The following PEBP4 variants were observed in gnomAD, a reference collection of about 807,000 sequenced individuals.
PEBP4 encodes the protein phosphatidylethanolamine binding protein 4, also known as phosphatidylethanolamine-binding protein 4.
In PEBP4, 22 loss-of-function variants were observed where a neutral mutation model predicts 23.9. The observed-to-expected ratio is 0.92, with a 90% CI of 0.66 to 1.31. PEBP4 has a LOEUF of 1.31. Ranked by LOEUF, PEBP4 falls within the 40% of genes most tolerant of loss-of-function variation. The pLI is 0.00. For missense variants in PEBP4, 324 were observed against 281.7 expected (o/e 1.15, Z -1.07); for synonymous variants, 112 against 99.3 (o/e 1.13, Z -0.76).
intron 3 of PEBP4, among the ~76,000 whole-genome samples, chr8:22,900,256 G>A (rs1275272158): frequency 2.0e-5 from 3 of 152,306 alleles, no homozygotes; most frequent in South Asian, 2.1e-4. Context: ...GGTGTGAGAC[G>A]ACTTTAGTGA....
At chr8:22,798,014 G>GT (rs1212507060) in intron 4 of PEBP4, among the ~76,000 whole-genome samples, 1 of 152,260 alleles carries the variant, frequency 6.6e-6, no homozygotes, top group East Asian at 1.9e-4. Flanking sequence ...ACAAGGCAGC[G>GT]TGGAATCAGG....
intron 3 of PEBP4, among the ~76,000 whole-genome samples, chr8:22,889,835 A>C (rs1808456987): frequency 6.6e-6 from 1 of 152,240 alleles, no homozygotes; most frequent in South Asian, 2.1e-4. Context: ...TAATGTGACT[A>C]TACATCACTG....
chr8:22,734,269 G>C (rs1804804809), intron 4 of PEBP4, among the ~76,000 whole-genome samples: 1 of 152,236 alleles, frequency 6.6e-6, no homozygotes, highest in Admixed American at 6.5e-5. Flanking sequence ...TGCTGCCAGG[G>C]AGAGGCTTCC....
At chr8:22,909,545 A>G (rs1005097448) in intron 3 of PEBP4, among the ~76,000 whole-genome samples, 1 of 152,070 alleles carries the variant, frequency 6.6e-6, no homozygotes, top group African/African-American at 2.4e-5. Context: ...GAGTCTCACA[A>G]CCCACTCCTT....
At chr8:22,871,963 A>G (rs1388621014) in intron 3 of PEBP4, among the ~76,000 whole-genome samples, 3 of 152,116 alleles carry the variant, frequency 2.0e-5, no homozygotes, top group East Asian at 3.8e-4. Context: ...AAAATCCATT[A>G]TATCACTGTT....
intron 4 of PEBP4, among the ~76,000 whole-genome samples, chr8:22,795,603 A>G (rs761973604): frequency 5.3e-5 from 8 of 152,188 alleles, no homozygotes; most frequent in Non-Finnish European, 1.0e-4. Flanking sequence ...CTTTAGAATC[A>G]CCTTAAGGTC....
At chr8:22,899,389 G>T (rs1400362562) in intron 3 of PEBP4, among the ~76,000 whole-genome samples, 1 of 152,212 alleles carries the variant, frequency 6.6e-6, no homozygotes, top group African/African-American at 2.4e-5. Flanking sequence ...CCTATCTGAG[G>T]GTCCCAAAGG....
intron 4 of PEBP4, among the ~76,000 whole-genome samples, chr8:22,789,862 A>T (rs1341381768): frequency 6.6e-6 from 1 of 152,256 alleles, no homozygotes; most frequent in East Asian, 1.9e-4. Flanking sequence ...ACCGAGTTCA[A>T]CATCTTCGGG....
chr8:22,909,102 T>G (rs1451466622), intron 3 of PEBP4, among the ~76,000 whole-genome samples: 3 of 152,184 alleles, frequency 2.0e-5, no homozygotes, highest in Non-Finnish European at 4.4e-5. Context: ...CTTCCTGCAT[T>G]GGTGGCCCCA....
At chr8:22,915,369 T>C (rs1809050404) in intron 3 of PEBP4, among the ~76,000 whole-genome samples, 1 of 152,024 alleles carries the variant, frequency 6.6e-6, no homozygotes, top group Non-Finnish European at 1.5e-5. Context: ...ACCATGGATG[T>C]GCCCCTGCCC....
At chr8:22,753,517 C>T (rs1381570491) in intron 4 of PEBP4, among the ~76,000 whole-genome samples, 1 of 152,190 alleles carries the variant, frequency 6.6e-6, no homozygotes, top group Non-Finnish European at 1.5e-5. Context: ...ATAATGAAAT[C>T]AGATCAGTGA....
chr8:22,804,814 C>A (rs111958442), intron 4 of PEBP4, among the ~76,000 whole-genome samples: 4,913 of 152,180 alleles, frequency 0.032, 156 homozygotes, highest in African/African-American at 0.08. Flanking sequence ...TCCCTTGCTG[C>A]CTCATGACCT....
intron 3 of PEBP4, among the ~76,000 whole-genome samples, chr8:22,845,472 A>G (rs1442393083): frequency 6.6e-6 from 1 of 152,142 alleles, no homozygotes; most frequent in Non-Finnish European, 1.5e-5. Context: ...GCAGTGAGCC[A>G]TGGGTGCATC....
At chr8:22,759,702 CAG>C (rs1347527723) in intron 4 of PEBP4, among the ~76,000 whole-genome samples, 4 of 152,168 alleles carry the variant, frequency 2.6e-5, no homozygotes, top group Admixed American at 1.3e-4. Flanking sequence ...TTGAGAAATG[CAG>C]AGAGAAGTTA....
At position 22,914,437 on chromosome 8, in the gene PEBP4, C is replaced by T. The variant is rs1467031888; in HGVS notation, c.258+5747G>A. Among the ~76,000 whole-genome samples, 4 of 151,948 alleles carry T rather than the reference C, an allele frequency of 2.6e-5. No individual in the cohort carries two copies. The East Asian group carries it at 7.7e-4, about 29-fold the overall frequency. ...TGCCCAGCCCCTGCCAGCACTTAAA[C>T]ATTCGCAGGCATCTCTTCTCCCCTG... On this transcript the variant is annotated intron_variant, in intron 3 of 6. Coordinates refer to ENST00000256404, the MANE Select transcript of PEBP4 (RefSeq NM_144962.3).
At chr8:22,907,540 A>G (rs1808842237) in intron 3 of PEBP4, among the ~76,000 whole-genome samples, 1 of 152,048 alleles carries the variant, frequency 6.6e-6, no homozygotes, top group Admixed American at 6.6e-5. Flanking sequence ...AGAAAAAGAG[A>G]GAGAGAGAGA....
chr8:22,890,106 C>T (rs1808462899), intron 3 of PEBP4, among the ~76,000 whole-genome samples: 1 of 152,128 alleles, frequency 6.6e-6, no homozygotes, highest in South Asian at 2.1e-4. Flanking sequence ...GACAGAGAGC[C>T]CTGGAAGGAG....
intron 3 of PEBP4, among the ~76,000 whole-genome samples, chr8:22,818,996 G>A (rs1028649945): frequency 2.6e-5 from 4 of 152,142 alleles, no homozygotes; most frequent in African/African-American, 9.7e-5. Context: ...GACATTCAGA[G>A]TTCTGGTTTA....
intron 3 of PEBP4, among the ~76,000 whole-genome samples, chr8:22,890,478 T>C (rs562426962): frequency 6.6e-6 from 1 of 152,348 alleles, no homozygotes; most frequent in African/African-American, 2.4e-5. Context: ...TGGTGCATTC[T>C]CCATTCTCCA....
Sources: gnomAD v4.1 joint callset for allele counts (sites outside exome capture counted in the v4.1 genomes callset) on GRCh38, gnomAD v4.1.1 for gene constraint, MANE v1.5 for transcripts, NCBI Gene and HGNC (gene_info 2026-07-23, HGNC 2026-07-21) for gene names.